RGS5: variants seen among roughly 807,000 people sequenced by gnomAD.
The protein encoded by RGS5 is regulator of G-protein signalling 5.
Under a neutral mutation model 18.9 loss-of-function variants are expected in RGS5, and 20 were observed. That is an observed-to-expected ratio of 1.06 (90% CI 0.74 to 1.54). The LOEUF is 1.54. Ranked by LOEUF, RGS5 falls within the 40% of genes most tolerant of loss-of-function variation. The pLI, the probability that RGS5 is intolerant of heterozygous loss-of-function variation, is 0.00. For missense variants in RGS5, 201 were observed against 211.8 expected (o/e 0.95, Z 0.32); for synonymous variants, 57 against 76.2 (o/e 0.75, Z 1.31).
At chr1:163,304,855 G>A in intron 2 of RGS5, 1 of 152,226 alleles carries the variant, frequency 6.6e-6, no homozygotes, top group Admixed American at 6.5e-5. Flanking sequence ...GGTCTAACAA[G>A]TAGTCTTCAA....
intron 4 of RGS5, among the ~76,000 whole-genome samples, chr1:163,149,891 T>G (rs1657304533): frequency 6.6e-6 from 1 of 152,198 alleles, no homozygotes; most frequent in Non-Finnish European, 1.5e-5. Flanking sequence ...AAGCTATGAC[T>G]TAACATACTT....
chr1:163,193,183 G>A lies in RGS5; in HGVS notation c.44+9609C>T, dbSNP rs146935398. On this transcript the variant is annotated intron_variant, in intron 1 of 4. Transcript: ENST00000313961. ...GTCTTTCTAGAATGTAGAGTTTTAA[G>A]TCTCTAAATGATCTGTCCAGATGGG... Among the ~76,000 whole-genome samples, 423 of 152,264 alleles carry A rather than the reference G, an allele frequency of 2.8e-3. 6 individuals carry two copies. The highest frequency in any genetic ancestry group is 9.5e-3 in the African/African-American group (393 of 41,552).
chr1:163,193,145 T>G (rs142717621), intron 1 of RGS5, among the ~76,000 whole-genome samples: 24 of 152,324 alleles, frequency 1.6e-4, no homozygotes, highest in Admixed American at 1.1e-3. Context: ...GACTCTAATA[T>G]GATAGTTCCA....
intron 4 of RGS5, among the ~76,000 whole-genome samples, chr1:163,148,447 T>A (rs1657243254): frequency 6.6e-6 from 1 of 152,226 alleles, no homozygotes; most frequent in African/African-American, 2.4e-5. Context: ...GAGTGCTCGG[T>A]CGGTGCCAGG....
chr1:163,149,872 A>G (rs1036572880), intron 4 of RGS5, among the ~76,000 whole-genome samples: 1 of 152,202 alleles, frequency 6.6e-6, no homozygotes, highest in Non-Finnish European at 1.5e-5. Flanking sequence ...AGAATTTTTT[A>G]AGTAATAAAA....
At chr1:163,149,248 A>C (rs1657279619) in intron 4 of RGS5, among the ~76,000 whole-genome samples, 1 of 152,166 alleles carries the variant, frequency 6.6e-6, no homozygotes, top group South Asian at 2.1e-4. Context: ...CATGCCCACA[A>C]ACAGCTAGTG....
In RGS5 at chr1:163,196,671, C is replaced by G. The variant is rs528471734; in HGVS notation, c.44+6121G>C. Among the ~76,000 whole-genome samples the G allele has an allele frequency of 7.2e-5, 11 of 152,298 alleles. No individual in the cohort carries two copies. The South Asian group carries it at 2.1e-3, about 29-fold the overall frequency. ...GCTCACCTAAGGGATACCATCATTG[C>G]AGCCAAAAGAAGACTCACCTCTTTA... On this transcript the variant is annotated intron_variant, in intron 1 of 4. Transcript: ENST00000313961.
chr1:163,164,978 C>T (rs375123184), intron 2 of RGS5, among the ~76,000 whole-genome samples: 16 of 152,320 alleles, frequency 1.1e-4, no homozygotes, highest in African/African-American at 3.8e-4. Context: ...AGTCCCCTCT[C>T]CCTTCCTGCC....
intron 2 of RGS5, among the ~76,000 whole-genome samples, chr1:163,222,916 G>A (rs761961441): frequency 7.2e-5 from 11 of 152,092 alleles, no homozygotes; most frequent in African/African-American, 1.7e-4. Context: ...CTGGAGTACA[G>A]TGGCATGATC....
chr1:163,248,565 G>C (rs963538589), intron 2 of RGS5: 1 of 152,010 alleles, frequency 6.6e-6, no homozygotes, highest in Non-Finnish European at 1.5e-5. Flanking sequence ...CAGAGAAGAA[G>C]AGTTTGCTCA....
chr1:163,201,944 G>C (rs1002363041), intron 1 of RGS5, among the ~76,000 whole-genome samples: 2 of 152,170 alleles, frequency 1.3e-5, no homozygotes, highest in Non-Finnish European at 2.9e-5. Context: ...CTCCATCAGA[G>C]AGGATGGTTG....
At chr1:163,237,108 T>C (rs1647642275) in intron 2 of RGS5, 1 of 152,156 alleles carries the variant, frequency 6.6e-6, no homozygotes, top group African/African-American at 2.4e-5. Context: ...ACACTAAATG[T>C]TGGAGAGGAT....
At position 163,167,953 on chromosome 1, in the gene RGS5, G is replaced by A. The variant is rs143824054; in HGVS notation, c.155+305C>T. Among the ~76,000 whole-genome samples the A allele has an allele frequency of 4.3e-4, 66 of 152,300 alleles. 1 individual carries two copies. The South Asian group carries it at 0.012, about 28-fold the overall frequency. On this transcript the variant is annotated intron_variant, in intron 2 of 4. Transcript: ENST00000313961. ...GAGCAGGTATTTTTACCACACTGCT[G>A]TAGTGGCTGGTATCATTTTATAAGT...
At chr1:163,321,314 G>A (rs1169264314) in intron 1 of RGS5, 1 of 152,100 alleles carries the variant, frequency 6.6e-6, no homozygotes, top group Non-Finnish European at 1.5e-5. Context: ...TTTTCATATC[G>A]GTGAAAGCGA....
At chr1:163,207,941 T>C (rs892150019) in intron 1 of RGS5, among the ~76,000 whole-genome samples, 7 of 152,026 alleles carry the variant, frequency 4.6e-5, no homozygotes, top group Non-Finnish European at 7.4e-5. Context: ...AAACAGTTCA[T>C]AGAGAGTGAC....
At chr1:163,185,825 T>C (rs545183406) in intron 1 of RGS5, among the ~76,000 whole-genome samples, 1 of 152,354 alleles carries the variant, frequency 6.6e-6, no homozygotes, top group African/African-American at 2.4e-5. Flanking sequence ...AATAATCCTA[T>C]GAGACAGGTA....
chr1:163,295,380 C>T (rs1183514484), intron 2 of RGS5, among the ~76,000 whole-genome samples: 1 of 152,188 alleles, frequency 6.6e-6, no homozygotes, highest in Admixed American at 6.5e-5. Context: ...TAACTATTAA[C>T]CTTTTCCTTT....
intron 1 of RGS5, among the ~76,000 whole-genome samples, chr1:163,181,449 A>G (rs1177106216): frequency 6.6e-6 from 1 of 152,172 alleles, no homozygotes; most frequent in Non-Finnish European, 1.5e-5. Context: ...ACAGAGGCAT[A>G]TTTAAGGGGC....
At chr1:163,254,968 C>T (rs1233480658) in intron 2 of RGS5, among the ~76,000 whole-genome samples, 376 of 137,102 alleles carry the variant, frequency 2.7e-3, no homozygotes, top group Admixed American at 4.5e-3. Context: ...AGATATGCGG[C>T]GTTATTTCTG....
Sources: gnomAD v4.1 joint callset for allele counts (sites outside exome capture counted in the v4.1 genomes callset) on GRCh38, gnomAD v4.1.1 for gene constraint, MANE v1.5 for transcripts, NCBI Gene and HGNC (gene_info 2026-07-23, HGNC 2026-07-21) for gene names.